The following LAMA2 variants were observed in gnomAD, a reference collection of about 807,000 sequenced individuals.
LAMA2 encodes laminin subunit alpha-2.
In LAMA2, 269 loss-of-function variants were observed where a neutral mutation model predicts 364.8. That is an observed-to-expected ratio of 0.74 (90% CI 0.67 to 0.82). The LOEUF (loss-of-function observed/expected upper bound fraction) is 0.82, where lower values mean the gene tolerates loss of function less well. LAMA2 is among the 40% of genes least tolerant of loss of function. LAMA2 has a pLI of 0.00. For missense variants in LAMA2, 3,807 were observed against 3,873.2 expected, an observed-to-expected ratio of 0.98 and a Z score of 0.45; for synonymous variants, 1,379 against 1,370.6, an observed-to-expected ratio of 1.01 and a Z score of -0.14.
chr6:129,280,582 A>G (rs1788650941), intron 18 of LAMA2, among the ~76,000 whole-genome samples: 2 of 152,192 alleles, frequency 1.3e-5, no homozygotes, highest in African/African-American at 4.8e-5. Context: ...AATATACTTG[A>G]AAATAGAAAC....
chr6:129,072,933 C>T (rs1773410291), intron 3 of LAMA2, among the ~76,000 whole-genome samples: 1 of 152,032 alleles, frequency 6.6e-6, no homozygotes, highest in African/African-American at 2.4e-5. Flanking sequence ...ACACCTTTAA[C>T]TTTTTTGTTT....
intron 3 of LAMA2, 36 bp downstream of exon 3, chr6:129,059,932 A>G: frequency 8.7e-7 from 1 of 1,155,640 alleles, no homozygotes. Context: ...TCCACTTTTG[A>G]AATTGCATTT....
intron 1 of LAMA2, among the ~76,000 whole-genome samples, chr6:129,023,770 C>G (rs1365363754): frequency 3.3e-5 from 5 of 152,230 alleles, no homozygotes; most frequent in Admixed American, 3.3e-4. Flanking sequence ...CAACTTAGTC[C>G]ATTCCTCTGA....
rs398123391 is a variant in LAMA2, at chr6:129,516,189, G to A, written c.9212-1G>A. 1.2e-6 allele frequency: 2 copies of A among 1,614,080 alleles called. No individual in the cohort carries two copies. The highest frequency in any genetic ancestry group is 1.7e-6 in the Non-Finnish European group (2 of 1,180,018). On this transcript the variant is annotated splice_acceptor_variant, in intron 64 of 64. Coordinates refer to ENST00000421865, the MANE Select transcript of LAMA2 (RefSeq NM_000426.4). LOFTEE classifies it high-confidence loss of function. ...GAGCCCTCTTGCATTGCCTTTTTCAGATGACCTCAAGCAGTTTGGCCTAAC... is the reference window on the plus strand; with the variant it reads ...GAGCCCTCTTGCATTGCCTTTTTCAAATGACCTCAAGCAGTTTGGCCTAAC...
At chr6:129,105,030 G>A (rs960746293) in intron 4 of LAMA2, among the ~76,000 whole-genome samples, 1 of 152,082 alleles carries the variant, frequency 6.6e-6, no homozygotes, top group Non-Finnish European at 1.5e-5. Context: ...ATAGAAGGAG[G>A]CTTTGAGCAA....
At chr6:129,365,487 TG>T (rs888941612) in intron 32 of LAMA2, among the ~76,000 whole-genome samples, 10 of 152,208 alleles carry the variant, frequency 6.6e-5, no homozygotes, top group African/African-American at 2.4e-4. Context: ...CTCAGCCTTC[TG>T]GGTAGCTGAG....
rs748587728 is a variant in LAMA2 at position 129,456,446 on chromosome 6, G to C, written c.6819G>C (p.Val2273=). ...TSPPGYTILD[V]DANAMLFVGG... ...CTCCAGGGTACACGATTCTAGATGTGGATGCAAATGCAATGCTGTTTGTTG... is the reference window on the plus strand; with the variant it reads ...CTCCAGGGTACACGATTCTAGATGTCGATGCAAATGCAATGCTGTTTGTTG... The change falls in exon 48 of 65, where the codon GTG becomes GTC. Residue 2273 remains valine (V), a synonymous_variant. Transcript: ENST00000421865. The C allele has an allele frequency of 3.7e-5, 60 of 1,613,402 alleles. No individual in the cohort carries two copies. Among genetic ancestry groups the C allele is most frequent in the Non-Finnish European group, 4.9e-5 (58 of 1,179,592 alleles).
At chr6:129,439,824 TCA>T (rs1491464368) in intron 42 of LAMA2, among the ~76,000 whole-genome samples, 3,844 of 76,698 alleles carry the variant, frequency 0.05, 219 homozygotes, top group African/African-American at 0.21. Flanking sequence ...CATCAATTGG[TCA>T]TATATATATA....
At chr6:129,037,884 T>C (rs890604950) in intron 1 of LAMA2, among the ~76,000 whole-genome samples, 1 of 152,156 alleles carries the variant, frequency 6.6e-6, no homozygotes, top group Non-Finnish European at 1.5e-5. Context: ...TTAGCCAGGA[T>C]GGTCTTGATC....
At chr6:129,108,238 T>C (rs974486710) in intron 4 of LAMA2, among the ~76,000 whole-genome samples, 1 of 152,156 alleles carries the variant, frequency 6.6e-6, no homozygotes, top group Non-Finnish European at 1.5e-5. Flanking sequence ...GCAAATGATG[T>C]ATATTTATAT....
chr6:129,326,812 A>G (rs1445083418), intron 28 of LAMA2, among the ~76,000 whole-genome samples: 1 of 146,572 alleles, frequency 6.8e-6, no homozygotes, highest in African/African-American at 2.5e-5. Context: ...TATATATTCA[A>G]GGATGAAATC....
At chr6:129,254,358 G>A (rs1263799464) in intron 14 of LAMA2, among the ~76,000 whole-genome samples, 1 of 152,190 alleles carries the variant, frequency 6.6e-6, no homozygotes, top group Non-Finnish European at 1.5e-5. Context: ...GTAAACATAA[G>A]TATGGCTTTG....
At chr6:129,027,926 AC>A (rs1223701517) in intron 1 of LAMA2, among the ~76,000 whole-genome samples, 1 of 151,854 alleles carries the variant, frequency 6.6e-6, no homozygotes, top group East Asian at 1.9e-4. Context: ...ATTTATGTTT[AC>A]TCTAAAAGTC....
At chr6:129,396,909 G>A (rs1204940720) in intron 37 of LAMA2, among the ~76,000 whole-genome samples, 1 of 150,348 alleles carries the variant, frequency 6.7e-6, no homozygotes, top group Non-Finnish European at 1.5e-5. Flanking sequence ...CCAGAAGTTT[G>A]AGCCTGCAGT....
chr6:129,050,476 T>C (rs1787921972), intron 2 of LAMA2, among the ~76,000 whole-genome samples: 2 of 152,100 alleles, frequency 1.3e-5, no homozygotes, highest in South Asian at 2.1e-4. Flanking sequence ...GCTACTGATA[T>C]ATAGTGTGGT....
rs200608299 is a variant in LAMA2 at position 129,020,124 on chromosome 6, T to C, written c.113-29794T>C. On this transcript the variant is annotated intron_variant, in intron 1 of 64. Transcript: ENST00000421865. ...AAAGAAAAAAAAAAAAAAAAAGAAG[T>C]CTGTGTATAGGGCAGGACGAAAGGT... Among the ~76,000 whole-genome samples, 5 of 146,390 alleles carry C rather than the reference T, an allele frequency of 3.4e-5. No individual in the cohort carries two copies. In the East Asian group the frequency reaches 7.9e-4, roughly 23 times the overall value.
intron 4 of LAMA2, among the ~76,000 whole-genome samples, chr6:129,133,557 A>G (rs1411705860): frequency 6.6e-6 from 1 of 152,166 alleles, no homozygotes; most frequent in African/African-American, 2.4e-5. Context: ...GAGGATGGTG[A>G]CAGTCACTAG....
chr6:129,342,507 C>T lies in LAMA2; in HGVS notation c.4436+40C>T, dbSNP rs139846716. 1.6e-4 allele frequency: 259 copies of T among 1,603,252 alleles called. 1 individual carries two copies. Among genetic ancestry groups the T allele is most frequent in the Middle Eastern group, 3.3e-4 (2 of 6,012 alleles). ...TATAACCATATTTCCCAATCAGAAACGCCATCTGTCTAGCACATGGGCTGT... is the reference window on the plus strand; with the variant it reads ...TATAACCATATTTCCCAATCAGAAATGCCATCTGTCTAGCACATGGGCTGT... On this transcript the variant is annotated intron_variant, in intron 30 of 64. Coordinates refer to ENST00000421865, the MANE Select transcript of LAMA2 (RefSeq NM_000426.4).
chr6:129,385,669 A>G (rs1221057264), intron 35 of LAMA2, among the ~76,000 whole-genome samples: 1 of 152,150 alleles, frequency 6.6e-6, no homozygotes. Context: ...CTACCGTGCT[A>G]TGACTCCTGA....
Sources: gnomAD v4.1 joint callset for allele counts (sites outside exome capture counted in the v4.1 genomes callset) on GRCh38, gnomAD v4.1.1 for gene constraint, MANE v1.5 for transcripts, NCBI Gene and HGNC (gene_info 2026-07-23, HGNC 2026-07-21) for gene names.